UGGT2: variants seen among roughly 807,000 people sequenced by gnomAD.
UGGT2 encodes the protein UDP-glucose glycoprotein glucosyltransferase 2.
In UGGT2, 180 loss-of-function variants were observed where a neutral mutation model predicts 192.1. The ratio of observed to expected loss-of-function variants is 0.94; its 90% CI spans 0.83 to 1.06. The LOEUF is 1.06. Among genes scored for constraint, UGGT2 ranks in the 50% least tolerant of loss-of-function variants. The pLI, the probability that UGGT2 is intolerant of heterozygous loss-of-function variation, is 0.00. For missense variants in UGGT2, 1,849 were observed against 1,795.7 expected, an observed-to-expected ratio of 1.03 and a Z score of -0.54; for synonymous variants, 580 against 591.0, an observed-to-expected ratio of 0.98 and a Z score of 0.27.
intron 6 of UGGT2, among the ~76,000 whole-genome samples, chr13:95,998,176 C>T (rs1488589393): frequency 1.3e-5 from 2 of 152,148 alleles, no homozygotes; most frequent in African/African-American, 4.8e-5. Flanking sequence ...CAGGCGAAGA[C>T]ATATTCCAAG....
chr13:95,973,810 C>T (rs1194396508), intron 10 of UGGT2, among the ~76,000 whole-genome samples: 2 of 152,146 alleles, frequency 1.3e-5, no homozygotes, highest in Admixed American at 6.5e-5. Context: ...CTTTCATAAT[C>T]CTCAGTTTCC....
chr13:96,025,170 T>G (rs994628916), intron 2 of UGGT2, among the ~76,000 whole-genome samples: 2 of 152,196 alleles, frequency 1.3e-5, no homozygotes, highest in Non-Finnish European at 2.9e-5. Flanking sequence ...TCTGTTATCT[T>G]TGCAAATAGG....
intron 21 of UGGT2, among the ~76,000 whole-genome samples, chr13:95,901,496 T>C (rs1227249384): frequency 6.6e-6 from 1 of 151,974 alleles, no homozygotes; most frequent in African/African-American, 2.4e-5. Context: ...TACATTTCTC[T>C]CTCTCAGTAC....
At chr13:95,909,781 A>ATAAT (rs376886414) in intron 20 of UGGT2, among the ~76,000 whole-genome samples, 2 of 122,950 alleles carry the variant, frequency 1.6e-5, no homozygotes, top group African/African-American at 2.9e-5. Flanking sequence ...AATAATAATA[A>ATAAT]AAAAGATTCC....
At chr13:95,935,801 C>T (rs369949056) in intron 17 of UGGT2, among the ~76,000 whole-genome samples, 4 of 152,102 alleles carry the variant, frequency 2.6e-5, no homozygotes, top group Non-Finnish European at 5.9e-5. Flanking sequence ...AACATAATCC[C>T]GTATTTCTTG....
intron 10 of UGGT2, among the ~76,000 whole-genome samples, chr13:95,982,022 G>C (rs1241998466): frequency 6.6e-6 from 1 of 152,150 alleles, no homozygotes; most frequent in East Asian, 1.9e-4. Context: ...TGATTATTTA[G>C]TTTACTAAAT....
intron 5 of UGGT2, among the ~76,000 whole-genome samples, chr13:96,007,281 G>T (rs1259524126): frequency 6.6e-6 from 1 of 151,988 alleles, no homozygotes; most frequent in Admixed American, 6.5e-5. Context: ...CAACAAACTA[G>T]GTATAGAGGG....
At chr13:95,907,211 C>A (rs1044910246) in intron 20 of UGGT2, among the ~76,000 whole-genome samples, 4 of 152,196 alleles carry the variant, frequency 2.6e-5, no homozygotes, top group Non-Finnish European at 5.9e-5. Flanking sequence ...GGGGGAGGGG[C>A]GTCCACCATT....
At chr13:96,023,245 T>A in intron 3 of UGGT2, 93 bp from the exon 4 acceptor site, 1 of 1,000,620 alleles carries the variant, frequency 1.0e-6, no homozygotes, top group Non-Finnish European at 1.4e-6. Context: ...AAATAACTCA[T>A]CAACTACTAT....
At chr13:95,853,513 T>C (rs1288232151) in intron 36 of UGGT2, 30 bp downstream of exon 36, 2 of 1,586,998 alleles carry the variant, frequency 1.3e-6, no homozygotes, top group Non-Finnish European at 1.7e-6. Flanking sequence ...GTACACACAC[T>C]CAAAATTATT....
At chr13:95,929,328 A>G (rs1179176548) in intron 17 of UGGT2, among the ~76,000 whole-genome samples, 1 of 152,228 alleles carries the variant, frequency 6.6e-6, no homozygotes, top group Admixed American at 6.5e-5. Context: ...GAGGGTACAC[A>G]TGCAGATTGG....
chr13:95,875,146 T>C (rs922693425), intron 29 of UGGT2, among the ~76,000 whole-genome samples: 4 of 152,244 alleles, frequency 2.6e-5, no homozygotes, highest in Non-Finnish European at 5.9e-5. Context: ...GTCATTTTAA[T>C]AGATATGTGG....
At chr13:95,806,623 A>T (rs1489756494) in intron 38 of UGGT2, among the ~76,000 whole-genome samples, 4 of 152,178 alleles carry the variant, frequency 2.6e-5, no homozygotes, top group Non-Finnish European at 5.9e-5. Flanking sequence ...AAAAAATTGG[A>T]CTCACTGATT....
At chr13:95,877,390 A>G in intron 28 of UGGT2, 26 bp from the exon 29 acceptor site, 2 of 1,556,886 alleles carry the variant, frequency 1.3e-6, no homozygotes, top group African/African-American at 1.4e-5. Flanking sequence ...AAAAATAATC[A>G]TTGAGTAATA....
chr13:96,051,686 G>T (rs1594651135), intron 1 of UGGT2, among the ~76,000 whole-genome samples: 1 of 149,882 alleles, frequency 6.7e-6, no homozygotes, highest in South Asian at 2.1e-4. Context: ...GACATGAATA[G>T]ACAATTCTCA....
intron 36 of UGGT2, among the ~76,000 whole-genome samples, chr13:95,845,778 G>A (rs1368162168): frequency 4.6e-5 from 7 of 151,464 alleles, no homozygotes; most frequent in East Asian, 2.0e-4. Flanking sequence ...GTTCCCAGAC[G>A]GGGTCGCGGC....
At chr13:95,841,137 A>G (rs1349092165) in intron 36 of UGGT2, among the ~76,000 whole-genome samples, 2 of 152,184 alleles carry the variant, frequency 1.3e-5, no homozygotes, top group Admixed American at 6.6e-5. Context: ...TGATAGGTGC[A>G]GCAAACCACC....
chr13:95,968,018 A>G (rs1336494333), intron 12 of UGGT2, among the ~76,000 whole-genome samples: 1 of 152,170 alleles, frequency 6.6e-6, no homozygotes, highest in Non-Finnish European at 1.5e-5. Flanking sequence ...AGTTTCAGTT[A>G]TACAATCTTG....
intron 33 of UGGT2, among the ~76,000 whole-genome samples, chr13:95,857,141 T>C (rs528475949): frequency 5.9e-5 from 9 of 152,066 alleles, no homozygotes; most frequent in African/African-American, 2.2e-4. Flanking sequence ...TTTAAAATAC[T>C]TTTTTTTAAA....
Sources: allele counts gnomAD v4.1 joint callset (sites outside exome capture counted in the v4.1 genomes callset), GRCh38; gene constraint gnomAD v4.1.1; transcripts MANE v1.5; gene names NCBI Gene and HGNC (gene_info 2026-07-23, HGNC 2026-07-21).